SPAG16: variants seen among roughly 807,000 people sequenced by gnomAD.
SPAG16 encodes the protein sperm-associated antigen 16 protein.
A neutral mutation model predicts 80.4 loss-of-function variants in SPAG16; 86 were observed. The observed-to-expected ratio is 1.07, with a 90% confidence interval of 0.90 to 1.28. The LOEUF (loss-of-function observed/expected upper bound fraction) is 1.28, where lower values mean the gene tolerates loss of function less well. SPAG16 is among the 50% of genes most tolerant of loss of function. SPAG16 has a pLI of 0.00. For synonymous variants in SPAG16, 294 were observed against 265.9 expected (o/e 1.11, Z -1.03); for missense variants, 870 against 765.3 (o/e 1.14, Z -1.61).
At chr2:214,348,645 T>C (rs1020351388) in intron 15 of SPAG16, among the ~76,000 whole-genome samples, 8 of 152,106 alleles carry the variant, frequency 5.3e-5, no homozygotes, top group Admixed American at 5.2e-4. Context: ...CAGCTAGGCT[T>C]AGCCTTCCAG....
At chr2:214,351,264 A>G (rs938335829) in intron 15 of SPAG16, among the ~76,000 whole-genome samples, 3 of 152,156 alleles carry the variant, frequency 2.0e-5, no homozygotes, top group Admixed American at 1.3e-4. Context: ...GTGTGTGTGT[A>G]TGTTTGTATG....
chr2:213,549,701 CCTTGCAGTAGTAGTG>C (rs2076727708), intron 10 of SPAG16, among the ~76,000 whole-genome samples: 2 of 152,304 alleles, frequency 1.3e-5, no homozygotes, highest in South Asian at 4.1e-4. Flanking sequence ...AGGCTTCTTA[CCTTGCAGTAGTAGTG>C]TTTGAAGTAC....
At chr2:214,089,184 T>G (rs2051993619) in intron 13 of SPAG16, among the ~76,000 whole-genome samples, 1 of 152,082 alleles carries the variant, frequency 6.6e-6, no homozygotes, top group African/African-American at 2.4e-5. Flanking sequence ...TCCCAGTATC[T>G]TGCCAGAGTA....
intron 11 of SPAG16, among the ~76,000 whole-genome samples, chr2:213,867,478 TAGAA>T (rs72450217): frequency 0.59 from 89,962 of 151,640 alleles, 28,533 homozygotes; most frequent in South Asian, 0.85. Flanking sequence ...TTCTGCAAAA[TAGAA>T]AGAATAATGA....
chr2:213,517,863 C>G (rs568222136), intron 10 of SPAG16, among the ~76,000 whole-genome samples: 2 of 152,088 alleles, frequency 1.3e-5, no homozygotes, highest in East Asian at 3.9e-4. Context: ...AGAAGAAAAC[C>G]CTAGGAAGTT....
intron 10 of SPAG16, among the ~76,000 whole-genome samples, chr2:213,500,856 C>A (rs758420487): frequency 8.5e-5 from 13 of 152,184 alleles, no homozygotes; most frequent in Non-Finnish European, 1.8e-4. Context: ...TCCTAGTGTC[C>A]AAACAGCTCT....
intron 7 of SPAG16, among the ~76,000 whole-genome samples, chr2:213,363,669 C>G (rs1201087227): frequency 1.3e-5 from 2 of 151,958 alleles, no homozygotes; most frequent in Non-Finnish European, 2.9e-5. Flanking sequence ...AAAACAACCT[C>G]TTCATATTTT....
chr2:214,352,556 C>CTGTGTGTGTGTGTGTGTGTGTGTG (rs71409878), intron 15 of SPAG16, among the ~76,000 whole-genome samples: 3 of 96,064 alleles, frequency 3.1e-5, no homozygotes, highest in African/African-American at 1.9e-4. Context: ...GACTTTTTTT[C>CTGTGTGTGTGTGTGTGTGTGTGTG]TCTGTGTGTG....
At chr2:213,871,871 CACACACACAGAGAGAGAGAG>C (rs1487361007) in intron 11 of SPAG16, among the ~76,000 whole-genome samples, 2,622 of 33,074 alleles carry the variant, frequency 0.079, 50 homozygotes, top group South Asian at 0.26. Context: ...CACACACACA[CACACACACAGAGAGAGAGAG>C]AGAGAGAGCA....
intron 15 of SPAG16, among the ~76,000 whole-genome samples, chr2:214,341,228 AAGAC>A (rs1159165078): frequency 6.6e-6 from 1 of 152,204 alleles, no homozygotes; most frequent in African/African-American, 2.4e-5. Context: ...GTGAAAAAGA[AAGAC>A]AGAAAACAAG....
At chr2:214,311,227 G>T (rs545971585) in intron 15 of SPAG16, among the ~76,000 whole-genome samples, 1 of 152,078 alleles carries the variant, frequency 6.6e-6, no homozygotes, top group East Asian at 1.9e-4. Flanking sequence ...CAGCACACTC[G>T]AAGGACTATA....
At chr2:214,191,002 G>T (rs959192009) in intron 15 of SPAG16, among the ~76,000 whole-genome samples, 2 of 152,086 alleles carry the variant, frequency 1.3e-5, no homozygotes, top group South Asian at 2.1e-4. Flanking sequence ...TATAGTAAAT[G>T]GTAAAAAGCC....
intron 9 of SPAG16, among the ~76,000 whole-genome samples, chr2:213,465,042 T>G (rs2125629325): frequency 6.6e-6 from 1 of 152,304 alleles, no homozygotes; most frequent in South Asian, 2.1e-4. Flanking sequence ...ACCAGTTTAT[T>G]TCCCTCAGCA....
intron 10 of SPAG16, among the ~76,000 whole-genome samples, chr2:213,720,441 C>T (rs1219043299): frequency 6.9e-6 from 1 of 144,482 alleles, no homozygotes; most frequent in East Asian, 2.1e-4. Flanking sequence ...TCCTGCCTAA[C>T]ATGGTGAAAC....
chr2:213,494,255 C>T (rs2074388886), intron 10 of SPAG16, among the ~76,000 whole-genome samples: 1 of 152,196 alleles, frequency 6.6e-6, no homozygotes, highest in Admixed American at 6.5e-5. Context: ...GCTTTAAATA[C>T]TTTCCATATG....
chr2:213,558,946 T>C (rs1190165227), intron 10 of SPAG16, among the ~76,000 whole-genome samples: 1 of 152,114 alleles, frequency 6.6e-6, no homozygotes, highest in African/African-American at 2.4e-5. Flanking sequence ...TCAATATGTA[T>C]CTTTAATAGG....
chr2:213,595,869 A>G (rs1269220693), intron 10 of SPAG16, among the ~76,000 whole-genome samples: 1 of 152,096 alleles, frequency 6.6e-6, no homozygotes, highest in Non-Finnish European at 1.5e-5. Flanking sequence ...TTTATTCTGC[A>G]AGTTATTGCA....
chr2:213,759,126 T>C (rs893666321), intron 10 of SPAG16, among the ~76,000 whole-genome samples: 2 of 152,008 alleles, frequency 1.3e-5, no homozygotes, highest in Admixed American at 1.3e-4. Context: ...AAAACAACAG[T>C]TGGGAGAGCT....
At chr2:213,770,342 T>A (rs1391721475) in intron 10 of SPAG16, among the ~76,000 whole-genome samples, 1 of 152,148 alleles carries the variant, frequency 6.6e-6, no homozygotes, top group Non-Finnish European at 1.5e-5. Context: ...TTTAACGTTT[T>A]AAGAAATTAA....
Sources: allele counts gnomAD v4.1 joint callset (sites outside exome capture counted in the v4.1 genomes callset), GRCh38; gene constraint gnomAD v4.1.1; transcripts MANE v1.5; gene names NCBI Gene and HGNC (gene_info 2026-07-23, HGNC 2026-07-21).